Variants in NCALD observed in about 807,000 individuals in gnomAD.
The protein encoded by NCALD is neurocalcin-delta.
NCALD carries 10 observed loss-of-function variants against 18.6 expected under a neutral mutation model. The ratio of observed to expected loss-of-function variants is 0.54; its 90% CI spans 0.33 to 0.91. The LOEUF (loss-of-function observed/expected upper bound fraction) is 0.91, where lower values mean the gene tolerates loss of function less well. Among genes scored for constraint, NCALD ranks in the 40% least tolerant of loss-of-function variants. The pLI, the probability that NCALD is intolerant of heterozygous loss-of-function variation, is 0.03. For synonymous variants in NCALD, 88 were observed against 87.4 expected (o/e 1.01, Z -0.04); for missense variants, 184 against 247.6 (o/e 0.74, Z 1.72).
In NCALD at chr8:101,883,587, G is replaced by C. The variant is rs150863890; in HGVS notation, c.-20+3554C>G. ...CGTTTTCCTCTCTTGAAATTTCTTC[G>C]AAGTCTTTGACCGTGATTTGGGTAC... On this transcript the variant is annotated intron_variant, in intron 4 of 6. Transcript: ENST00000311028. 3.9e-5 allele frequency among the ~76,000 whole-genome samples: 6 copies of C among 152,098 alleles called. No individual in the cohort carries two copies. In the East Asian group the frequency reaches 9.6e-4, roughly 24 times the overall value.
chr8:102,004,875 C>T (rs1821636734), intron 2 of NCALD, among the ~76,000 whole-genome samples: 2 of 152,066 alleles, frequency 1.3e-5, no homozygotes, highest in African/African-American at 2.4e-5. Context: ...ATACAAAAAT[C>T]AATTCAAGAT....
chr8:102,025,940 G>A (rs1478087054), intron 1 of NCALD, among the ~76,000 whole-genome samples: 1 of 152,178 alleles, frequency 6.6e-6, no homozygotes, highest in African/African-American at 2.4e-5. Context: ...TACAATCATG[G>A]TAGGGGAAGC....
intron 1 of NCALD, among the ~76,000 whole-genome samples, chr8:102,073,682 G>C (rs929412935): frequency 6.6e-6 from 1 of 152,180 alleles, no homozygotes; most frequent in Non-Finnish European, 1.5e-5. Context: ...CCTAAAAGGA[G>C]TGTACAAAGA....
chr8:101,952,921 C>CTT lies in NCALD; in HGVS notation c.-156-37065_-156-37064dup, dbSNP rs1003853178. 2.7e-5 allele frequency among the ~76,000 whole-genome samples: 4 copies of CTT among 146,078 alleles called. No homozygotes were observed. In the South Asian group the frequency reaches 6.5e-4, roughly 24 times the overall value. On this transcript the variant is annotated intron_variant, in intron 2 of 6. Coordinates refer to the NCALD transcript ENST00000311028. The stretch of plus-strand genomic sequence containing the variant: ...GCTGTCAGAGGCAATAGCAAGACTT[C>CTT]TTTTTTTTTTTTAAGAAGTAACACT...
intron 1 of NCALD, among the ~76,000 whole-genome samples, chr8:102,031,376 T>C (rs954783419): frequency 6.6e-6 from 1 of 152,214 alleles, no homozygotes; most frequent in South Asian, 2.1e-4. Context: ...GATGCATAGC[T>C]GGGCAACTGA....
chr8:102,000,852 C>A (rs947221038), intron 2 of NCALD, among the ~76,000 whole-genome samples: 10 of 152,170 alleles, frequency 6.6e-5, no homozygotes, highest in African/African-American at 2.4e-4. Context: ...ACAGAAAGGA[C>A]AGCCACACCA....
chr8:102,024,233 C>T (rs958810119), intron 1 of NCALD, among the ~76,000 whole-genome samples: 1 of 152,164 alleles, frequency 6.6e-6, no homozygotes, highest in African/African-American at 2.4e-5. Flanking sequence ...GTGGCAAAGT[C>T]AAATGTCTCT....
At chr8:101,954,573 T>C in intron 2 of NCALD, among the ~76,000 whole-genome samples, 1 of 152,088 alleles carries the variant, frequency 6.6e-6, no homozygotes, top group East Asian at 1.9e-4. Flanking sequence ...TGTTCTGCAA[T>C]AACAAACAAG....
chr8:101,801,774 C>T (rs954568665), intron 4 of NCALD, among the ~76,000 whole-genome samples: 5 of 148,186 alleles, frequency 3.4e-5, no homozygotes, highest in Non-Finnish European at 7.4e-5. Context: ...TCACGCCATT[C>T]TCCTGCCTCA....
chr8:101,729,360 T>C (rs1025468838), intron 1 of NCALD, among the ~76,000 whole-genome samples: 1 of 152,236 alleles, frequency 6.6e-6, no homozygotes, highest in Non-Finnish European at 1.5e-5. Flanking sequence ...CCAAAGAATA[T>C]TCTCTCCTCT....
At chr8:101,871,289 T>G (rs1373941860) in intron 4 of NCALD, among the ~76,000 whole-genome samples, 2 of 152,160 alleles carry the variant, frequency 1.3e-5, no homozygotes, top group South Asian at 2.1e-4. Flanking sequence ...GCACTCCCTC[T>G]TAATGGGCAC....
chr8:101,751,938 A>C lies in NCALD; in HGVS notation c.-19-32290T>G, dbSNP rs1810677997. Among the ~76,000 whole-genome samples the C allele has an allele frequency of 2.0e-5, 3 of 152,182 alleles. No homozygotes were observed. The South Asian group carries it at 6.2e-4, about 32-fold the overall frequency. On this transcript the variant is annotated intron_variant, in intron 1 of 3. Coordinates refer to ENST00000220931, the MANE Select transcript of NCALD (RefSeq NM_032041.3). Reference sequence around the variant, plus strand: ...TATTTATTTCCAAGTTAGAAGTATAAATTTATCAGGCATTTCCAGAAAAAG... The same window carrying C: ...TATTTATTTCCAAGTTAGAAGTATACATTTATCAGGCATTTCCAGAAAAAG...
At chr8:101,819,486 C>T (rs1813632484) in intron 4 of NCALD, among the ~76,000 whole-genome samples, 1 of 152,046 alleles carries the variant, frequency 6.6e-6, no homozygotes, top group South Asian at 2.1e-4. Context: ...CAATTCTTCA[C>T]CAGACATAGC....
At chr8:101,946,547 G>A (rs572056121) in intron 2 of NCALD, among the ~76,000 whole-genome samples, 2 of 152,112 alleles carry the variant, frequency 1.3e-5, no homozygotes, top group Admixed American at 1.3e-4. Context: ...TCTAGTTTGA[G>A]TCACTAAAAA....
intron 3 of NCALD, among the ~76,000 whole-genome samples, chr8:101,889,565 G>C (rs1415502545): frequency 2.0e-5 from 3 of 152,188 alleles, no homozygotes; most frequent in Non-Finnish European, 2.9e-5. Flanking sequence ...CTGAGACATA[G>C]CTCAAATGGT....
chr8:101,741,404 A>G (rs1810177599), intron 1 of NCALD, among the ~76,000 whole-genome samples: 1 of 152,200 alleles, frequency 6.6e-6, no homozygotes, highest in African/African-American at 2.4e-5. Context: ...TAAGAAGAGG[A>G]GACTTTACAG....
intron 3 of NCALD, among the ~76,000 whole-genome samples, chr8:101,889,387 G>C (rs1816790296): frequency 6.6e-6 from 1 of 152,212 alleles, no homozygotes; most frequent in African/African-American, 2.4e-5. Flanking sequence ...TTCTCAACCA[G>C]GTGATGACAG....
At chr8:101,701,756 C>T (rs1383799838) in intron 2 of NCALD, among the ~76,000 whole-genome samples, 1 of 152,120 alleles carries the variant, frequency 6.6e-6, no homozygotes, top group Non-Finnish European at 1.5e-5. Context: ...TAACAGGAAA[C>T]CAGACACCCA....
At chr8:101,894,540 C>CA (rs1170956055) in intron 3 of NCALD, among the ~76,000 whole-genome samples, 4 of 143,808 alleles carry the variant, frequency 2.8e-5, no homozygotes, top group African/African-American at 8.5e-5. Flanking sequence ...AATAGAGACA[C>CA]AAAAAACCCT....
Sources: gnomAD v4.1 joint callset for allele counts (sites outside exome capture counted in the v4.1 genomes callset) on GRCh38, gnomAD v4.1.1 for gene constraint, MANE v1.5 for transcripts, NCBI Gene and HGNC (gene_info 2026-07-23, HGNC 2026-07-21) for gene names.